Variants in OSCP1 observed in about 807,000 individuals in gnomAD.
OSCP1 encodes the protein organic solute carrier partner 1.
In OSCP1, 35 loss-of-function variants were observed where a neutral mutation model predicts 45.1. That is an observed-to-expected ratio of 0.78 (90% confidence interval 0.59 to 1.03). The LOEUF (loss-of-function observed/expected upper bound fraction) is 1.03, where lower values mean the gene tolerates loss of function less well. Among genes scored for constraint, OSCP1 ranks in the 50% least tolerant of loss-of-function variants. OSCP1 has a pLI of 0.00. For synonymous variants in OSCP1, 179 were observed against 180.1 expected (o/e 0.99, Z 0.05); for missense variants, 400 against 470.7 (o/e 0.85, Z 1.39).
chr1:36,427,298 C>CTTTTTTTT (rs1215755284), intron 4 of OSCP1, among the ~76,000 whole-genome samples: 4 of 40,080 alleles, frequency 1.0e-4, no homozygotes, highest in African/African-American at 2.9e-4. Flanking sequence ...TGGCGCCTGG[C>CTTTTTTTT]CTTTTTTTTT....
At chr1:36,445,473 T>A (rs946641236) in intron 1 of OSCP1, among the ~76,000 whole-genome samples, 3 of 152,222 alleles carry the variant, frequency 2.0e-5, no homozygotes, top group African/African-American at 7.2e-5. Flanking sequence ...ATGGCTTCAA[T>A]ACATAATACC....
Position 36,450,346 on chromosome 1 carries a change from C to T in OSCP1, c.24G>A (p.Leu8=), listed in dbSNP as rs754996882. MSVRTLP[L]LFLNLGGEML... ...TCTCCCCGCCCAAGTTCAAGAAGAGCAGCGGTAGCGTCCGCACCGACATGG... is the reference window on the plus strand; with the variant it reads ...TCTCCCCGCCCAAGTTCAAGAAGAGTAGCGGTAGCGTCCGCACCGACATGG... Residue 8 remains leucine (L), a synonymous_variant, in exon 1 of 10, where the codon CTG becomes CTA. Transcript: ENST00000235532. 7 of 1,613,832 alleles carry T rather than the reference C, an allele frequency of 4.3e-6. No homozygotes were observed. The highest frequency in any genetic ancestry group is 2.2e-5 in the East Asian group (1 of 44,868).
chr1:36,424,860 A>C (rs1647868827), intron 4 of OSCP1, among the ~76,000 whole-genome samples: 4 of 152,230 alleles, frequency 2.6e-5, no homozygotes, highest in Admixed American at 2.6e-4. Flanking sequence ...ATAAGGTTAT[A>C]TTAGTAATAT....
At chr1:36,445,250 T>C (rs1413168143) in intron 1 of OSCP1, among the ~76,000 whole-genome samples, 1 of 152,154 alleles carries the variant, frequency 6.6e-6, no homozygotes, top group Non-Finnish European at 1.5e-5. Context: ...CTTGGGAGGC[T>C]GAAGCAGGAG....
intron 4 of OSCP1, among the ~76,000 whole-genome samples, chr1:36,426,414 T>A (rs1325837277): frequency 1.3e-5 from 2 of 152,138 alleles, no homozygotes; most frequent in Non-Finnish European, 2.9e-5. Context: ...GGCTCACCTC[T>A]GAGCTCATGG....
rs1647449691 is a variant in OSCP1, at chr1:36,418,976, ATCC to A, written c.1023+12_1023+14del. On this transcript the variant is annotated intron_variant, in intron 9 of 9. Coordinates refer to ENST00000235532, the MANE Select transcript of OSCP1 (RefSeq NM_145047.5). Reference sequence around the variant, plus strand: ...AGCGAATACGATTGGACCCTGTGTTATCCCCTGTACGTACCTGGGTGGCTTGTA... The same window carrying A: ...AGCGAATACGATTGGACCCTGTGTTACCTGTACGTACCTGGGTGGCTTGTA... 3 of 1,581,240 alleles carry A rather than the reference ATCC, an allele frequency of 1.9e-6. No individual in the cohort carries two copies. In the East Asian group the frequency reaches 6.7e-5, roughly 35 times the overall value.
At chr1:36,420,142 A>ATTTTTTTTTTTT (rs879625733) in intron 8 of OSCP1, among the ~76,000 whole-genome samples, 15 of 138,514 alleles carry the variant, frequency 1.1e-4, no homozygotes, top group African/African-American at 4.1e-4. Flanking sequence ...CACCCAGCTA[A>ATTTTTTTTTTTT]TTTTTTTTTT....
At chr1:36,420,660 C>T (rs1203157814) in intron 7 of OSCP1, 45 bp from the exon 8 acceptor site, 3 of 1,604,036 alleles carry the variant, frequency 1.9e-6, no homozygotes, top group Admixed American at 3.4e-5. Context: ...AAGGCAATCA[C>T]ATTTCCTGCT....
chr1:36,432,352 T>C (rs946724410), intron 3 of OSCP1, 70 bp downstream of exon 3: 1 of 1,528,078 alleles, frequency 6.5e-7, no homozygotes, highest in African/African-American at 1.4e-5. Flanking sequence ...GTCATAGATC[T>C]ACCTGTTCTT....
At chr1:36,446,085 T>C (rs60389557) in intron 1 of OSCP1, among the ~76,000 whole-genome samples, 15,704 of 150,726 alleles carry the variant, frequency 0.1, 960 homozygotes, top group East Asian at 0.3. Flanking sequence ...TGCAGTGGCG[T>C]GATCTCAGCT....
intron 2 of OSCP1, among the ~76,000 whole-genome samples, chr1:36,436,420 T>C (rs1361322315): frequency 1.3e-5 from 2 of 152,162 alleles, no homozygotes; most frequent in Non-Finnish European, 2.9e-5. Context: ...CTCTCTATTT[T>C]TTTAGAGACA....
intron 8 of OSCP1, 80 bp downstream of exon 8, chr1:36,420,396 C>T: frequency 6.8e-7 from 1 of 1,471,848 alleles, no homozygotes; most frequent in Non-Finnish European, 9.2e-7. Context: ...ATAAGTGCCA[C>T]TGGTTTGTAA....
intron 7 of OSCP1, among the ~76,000 whole-genome samples, chr1:36,421,164 G>A (rs985198470): frequency 6.6e-6 from 1 of 151,902 alleles, no homozygotes; most frequent in African/African-American, 2.4e-5. Context: ...ATTTCTCCCT[G>A]GCTTGAAACA....
chr1:36,432,324 C>T, intron 3 of OSCP1, 98 bp downstream of exon 3: 2 of 1,403,732 alleles, frequency 1.4e-6, no homozygotes, highest in Non-Finnish European at 2.0e-6. Flanking sequence ...CTTTGCCATT[C>T]CTCATCCTGT....
intron 2 of OSCP1, among the ~76,000 whole-genome samples, chr1:36,432,943 T>C (rs1018725810): frequency 6.6e-6 from 1 of 152,212 alleles, no homozygotes; most frequent in East Asian, 1.9e-4. Context: ...TAAGTACTCC[T>C]TTCCTCCTAA....
In OSCP1 at chr1:36,423,343, G is replaced by T; in HGVS notation, c.620+20C>A. 1 of 1,566,092 alleles carries T rather than the reference G, an allele frequency of 6.4e-7. No homozygotes were observed. The highest frequency in any genetic ancestry group is 1.1e-5 in the South Asian group (1 of 90,020). The stretch of plus-strand genomic sequence containing the variant: ...TTCCTAGCACCCCAAACATAGCTCT[G>T]ATCATTGTTGGGAATTCACCTGATG... On this transcript the variant is annotated intron_variant, in intron 5 of 9. Coordinates refer to ENST00000235532, the MANE Select transcript of OSCP1 (RefSeq NM_145047.5).
intron 1 of OSCP1, 190 bp from the exon 2 acceptor site, chr1:36,439,100 T>C (rs890455098): frequency 4.2e-6 from 2 of 477,730 alleles, no homozygotes; most frequent in African/African-American, 2.0e-5. Context: ...GAGAGTGCTT[T>C]ATGACACCAT....
intron 4 of OSCP1, among the ~76,000 whole-genome samples, chr1:36,425,872 T>TG (rs1459864627): frequency 1.3e-5 from 2 of 152,088 alleles, no homozygotes; most frequent in Non-Finnish European, 2.9e-5. Context: ...AAGCAGGACA[T>TG]GCTACATAGC....
At chr1:36,436,930 T>C (rs1367172819) in intron 2 of OSCP1, among the ~76,000 whole-genome samples, 3 of 152,192 alleles carry the variant, frequency 2.0e-5, no homozygotes, top group Admixed American at 6.5e-5. Context: ...AGTATTTGTG[T>C]GATGTTTTTC....
Sources: allele counts gnomAD v4.1 joint callset (sites outside exome capture counted in the v4.1 genomes callset), GRCh38; gene constraint gnomAD v4.1.1; transcripts MANE v1.5; gene names NCBI Gene and HGNC (gene_info 2026-07-23, HGNC 2026-07-21).